The following TAOK1 variants were observed in gnomAD, a reference collection of about 807,000 sequenced individuals.
TAOK1 encodes the protein TAO kinase 1.
TAOK1 carries 21 observed loss-of-function variants against 138.3 expected under a neutral mutation model. The observed-to-expected ratio is 0.15, with a 90% CI of 0.11 to 0.22. The LOEUF is 0.22. Among genes scored for constraint, TAOK1 ranks in the 10% least tolerant of loss-of-function variants. The pLI is 1.00. For synonymous variants in TAOK1, 361 were observed against 398.4 expected, an observed-to-expected ratio of 0.91 and a Z score of 1.12; for missense variants, 651 against 1,227.7, an observed-to-expected ratio of 0.53 and a Z score of 7.02.
rs533053483 is a variant in TAOK1, at chr17:29,481,724, C to T, written c.564-473C>T. On this transcript the variant is annotated intron_variant, in intron 7 of 19. Transcript: ENST00000261716. Reference sequence around the variant, plus strand: ...CCTGTAATCCCAGCACTTTGGGAGGCCAAGGCGGGCGGATCACCAGGTCAG... The same window carrying T: ...CCTGTAATCCCAGCACTTTGGGAGGTCAAGGCGGGCGGATCACCAGGTCAG... 2.1e-4 allele frequency among the ~76,000 whole-genome samples: 32 copies of T among 152,066 alleles called. No homozygotes were observed. The South Asian group carries it at 6.4e-3, about 31-fold the overall frequency.
Position 29,497,381 on chromosome 17 carries a change from C to A in TAOK1, c.1000-937C>A, listed in dbSNP as rs537401084. Among the ~76,000 whole-genome samples the A allele has an allele frequency of 4.6e-5, 7 of 152,146 alleles. No individual in the cohort carries two copies. The South Asian group carries it at 8.3e-4, about 18-fold the overall frequency. ...GGGATGATTTCAGATATGTGAAATA[C>A]TTTAATAAAGTGAAATTAATAAAAT... On this transcript the variant is annotated intron_variant, in intron 11 of 19. Coordinates refer to ENST00000261716, the MANE Select transcript of TAOK1 (RefSeq NM_020791.4).
intron 6 of TAOK1, among the ~76,000 whole-genome samples, chr17:29,479,630 C>T (rs1428515538): frequency 1.3e-5 from 2 of 152,182 alleles, no homozygotes; most frequent in East Asian, 3.9e-4. Context: ...AGATTCACTT[C>T]GTGTTATGCT....
At chr17:29,495,510 T>C in intron 10 of TAOK1, 50 bp from the exon 11 acceptor site, 1 of 1,493,782 alleles carries the variant, frequency 6.7e-7, no homozygotes, top group Non-Finnish European at 9.0e-7. Context: ...AAGGAGTACC[T>C]TGTCACTAAT....
chr17:29,424,020 G>A (rs544950106), intron 1 of TAOK1, among the ~76,000 whole-genome samples: 1 of 145,694 alleles, frequency 6.9e-6, no homozygotes, highest in African/African-American at 2.6e-5. Context: ...CTGCACTCCA[G>A]CCTGGGCGAC....
At chr17:29,500,754 A>AT (rs2031508158) in intron 12 of TAOK1, among the ~76,000 whole-genome samples, 1 of 151,846 alleles carries the variant, frequency 6.6e-6, no homozygotes, top group African/African-American at 2.4e-5. Flanking sequence ...AAAAAAAAAA[A>AT]CTGTGGTTTT....
At position 29,534,088 on chromosome 17, in the gene TAOK1, T is replaced by C. The variant is rs771395428; in HGVS notation, c.2362-30T>C. The C allele has an allele frequency of 2.4e-5, 37 of 1,554,920 alleles. No homozygotes were observed. The African/African-American group carries it at 4.7e-4, about 20-fold the overall frequency. On this transcript the variant is annotated intron_variant, in intron 18 of 19. Coordinates refer to ENST00000261716, the MANE Select transcript of TAOK1 (RefSeq NM_020791.4). ...TGATAGCTAACATTAGGATATATCT[T>C]TTTTTTTTCTCTCTCTCTCTCTGTC...
At chr17:29,424,232 C>T (rs1328742415) in intron 1 of TAOK1, among the ~76,000 whole-genome samples, 1 of 151,422 alleles carries the variant, frequency 6.6e-6, no homozygotes, top group East Asian at 1.9e-4. Context: ...GGCAGGAGAT[C>T]GAGACCATCC....
rs1307293634 is a variant in TAOK1, at chr17:29,390,837, C to A, written c.-282C>A. 4.0e-5 allele frequency: 6 copies of A among 151,078 alleles called. No homozygotes were observed. The highest frequency in any genetic ancestry group is 8.9e-5 in the Non-Finnish European group (6 of 67,418). The allele number at this position is 151,078 out of a possible 1,614,324, so 9.4% of individuals were successfully genotyped here. A position where few individuals can be genotyped will look rare whatever the true frequency, so the allele number is the denominator to read the frequency against. Reference sequence around the variant, plus strand: ...GTCGTCCCCTCGCCCCCCCCCCCACCCCCCGCCGCCGCCGCCCCTTGTTGC... The same window carrying A: ...GTCGTCCCCTCGCCCCCCCCCCCACACCCCGCCGCCGCCGCCCCTTGTTGC... On this transcript the variant is annotated 5_prime_UTR_variant, in exon 1 of 20. Coordinates refer to ENST00000261716, the MANE Select transcript of TAOK1 (RefSeq NM_020791.4).
At chr17:29,470,836 G>A (rs967280249) in intron 3 of TAOK1, among the ~76,000 whole-genome samples, 2 of 152,140 alleles carry the variant, frequency 1.3e-5, no homozygotes, top group Non-Finnish European at 2.9e-5. Flanking sequence ...TGAAAATTAT[G>A]TCTAGGCCTG....
chr17:29,530,696 A>G (rs2032086127), intron 18 of TAOK1, 77 bp downstream of exon 18: 1 of 1,211,498 alleles, frequency 8.3e-7, no homozygotes, highest in Non-Finnish European at 1.2e-6. Flanking sequence ...CACAGCAATT[A>G]AAGTACTAGT....
intron 18 of TAOK1, among the ~76,000 whole-genome samples, chr17:29,531,605 A>G (rs934036555): frequency 6.6e-6 from 1 of 151,910 alleles, no homozygotes. Flanking sequence ...TCTACTAAAA[A>G]TACAAAAATT....
intron 1 of TAOK1, among the ~76,000 whole-genome samples, chr17:29,397,671 G>GGTGACATACATATATATATATATATA (rs1904675896): frequency 1.1e-4 from 3 of 27,254 alleles, no homozygotes; most frequent in Admixed American, 9.3e-4. Flanking sequence ...TATGATACAT[G>GGTGACATACATATATATATATATATA]TATACATGTA....
At chr17:29,528,968 CTTT>C (rs377040359) in intron 17 of TAOK1, among the ~76,000 whole-genome samples, 4 of 126,936 alleles carry the variant, frequency 3.2e-5, no homozygotes, top group Admixed American at 8.1e-5. Flanking sequence ...GCTTTTATAT[CTTT>C]TTTTTTTTTT....
At chr17:29,392,487 G>C (rs1185420557) in intron 1 of TAOK1, among the ~76,000 whole-genome samples, 2 of 152,026 alleles carry the variant, frequency 1.3e-5, no homozygotes, top group African/African-American at 2.4e-5. Context: ...CATCTTATCT[G>C]GTTTACAGTA....
chr17:29,478,224 A>G, intron 5 of TAOK1, 27 bp from the exon 6 acceptor site: 4 of 1,542,400 alleles, frequency 2.6e-6, no homozygotes, highest in Non-Finnish European at 1.8e-6. Flanking sequence ...TGTTCTGTGT[A>G]TTAATTATTT....
intron 13 of TAOK1, among the ~76,000 whole-genome samples, chr17:29,506,226 G>T (rs2031627585): frequency 6.6e-6 from 1 of 152,176 alleles, no homozygotes; most frequent in Non-Finnish European, 1.5e-5. Context: ...GTGCCTATCA[G>T]TGGATGAGTG....
chr17:29,496,246 G>GC (rs2031411339), intron 11 of TAOK1, among the ~76,000 whole-genome samples: 1 of 151,950 alleles, frequency 6.6e-6, no homozygotes, highest in East Asian at 1.9e-4. Context: ...GATTATAGGC[G>GC]CGCACCACCA....
chr17:29,419,181 C>CTT (rs1905351182), intron 1 of TAOK1, among the ~76,000 whole-genome samples: 1 of 151,894 alleles, frequency 6.6e-6, no homozygotes, highest in African/African-American at 2.4e-5. Flanking sequence ...AGATTTATCT[C>CTT]TAAGTATTCT....
intron 2 of TAOK1, among the ~76,000 whole-genome samples, chr17:29,460,083 C>A (rs1382697916): frequency 6.6e-6 from 1 of 152,128 alleles, no homozygotes; most frequent in Non-Finnish European, 1.5e-5. Context: ...TGTTTCTTGC[C>A]CTTTTCCTTT....
Sources: allele counts gnomAD v4.1 joint callset (sites outside exome capture counted in the v4.1 genomes callset), GRCh38; gene constraint gnomAD v4.1.1; transcripts MANE v1.5; gene names NCBI Gene and HGNC (gene_info 2026-07-23, HGNC 2026-07-21).